ACCSL: variants seen among roughly 807,000 people sequenced by gnomAD.
ACCSL encodes the protein probable inactive 1-aminocyclopropane-1-carboxylate synthase-like protein 2.
A neutral mutation model predicts 61.7 loss-of-function variants in ACCSL; 55 were observed. The ratio of observed to expected loss-of-function variants is 0.89; its 90% CI spans 0.72 to 1.12. The LOEUF is 1.12. Among genes scored for constraint, ACCSL ranks in the 50% most tolerant of loss-of-function variants. The pLI, the probability that ACCSL is intolerant of heterozygous loss-of-function variation, is 0.00. For missense variants in ACCSL, 632 were observed against 698.0 expected (o/e 0.91, Z 1.07); for synonymous variants, 258 against 264.3 (o/e 0.98, Z 0.23).
At chr11:44,052,640 C>G (rs1565158983) in intron 5 of ACCSL, 22 bp from the exon 6 acceptor site, 2 of 1,601,630 alleles carry the variant, frequency 1.2e-6, no homozygotes, top group Non-Finnish European at 1.7e-6. Flanking sequence ...GGACTGATAG[C>G]TCTGTCTCTC....
chr11:44,005,613 G>A, the ACCSL span, among the ~76,000 whole-genome samples: 2 of 152,102 alleles, frequency 1.3e-5, no homozygotes, highest in Non-Finnish European at 2.9e-5. Flanking sequence ...ACTGTGCTCC[G>A]TGCTTTGCAT....
the ACCSL span, among the ~76,000 whole-genome samples, chr11:43,922,787 A>G: frequency 6.6e-6 from 1 of 152,120 alleles, no homozygotes; most frequent in Non-Finnish European, 1.5e-5. Flanking sequence ...ATGACACCCA[A>G]ACTCATAGCA....
the ACCSL span, among the ~76,000 whole-genome samples, chr11:43,967,602 T>G: frequency 1.3e-5 from 2 of 152,206 alleles, no homozygotes; most frequent in Admixed American, 6.5e-5. Flanking sequence ...GAAGATTTAT[T>G]AATCCACAGA....
At chr11:44,019,298 A>G in the ACCSL span, among the ~76,000 whole-genome samples, 1 of 152,336 alleles carries the variant, frequency 6.6e-6, no homozygotes, top group East Asian at 1.9e-4. Flanking sequence ...TATACCTAGC[A>G]GTGGAATTGT....
chr11:43,925,327 G>A, the ACCSL span: 1 of 455,530 alleles, frequency 2.2e-6, no homozygotes, highest in Non-Finnish European at 4.4e-6. Context: ...GAGAGGCCTG[G>A]TGACAAGAGG....
chr11:44,015,713 A>G, the ACCSL span, among the ~76,000 whole-genome samples: 10 of 152,188 alleles, frequency 6.6e-5, no homozygotes, highest in South Asian at 2.1e-3. Flanking sequence ...CATTGGAGCT[A>G]ATTCCCAGCA....
the ACCSL span, among the ~76,000 whole-genome samples, chr11:44,017,565 G>A: frequency 6.6e-6 from 1 of 152,198 alleles, no homozygotes; most frequent in South Asian, 2.1e-4. Flanking sequence ...GGGGCAATCA[G>A]CTCTGTTCAT....
the ACCSL span, among the ~76,000 whole-genome samples, chr11:43,939,115 T>C: frequency 2.0e-5 from 3 of 152,230 alleles, no homozygotes; most frequent in Admixed American, 6.5e-5. Flanking sequence ...AAAAGCAACA[T>C]CAAGCAGCCA....
chr11:43,993,004 C>T, the ACCSL span, among the ~76,000 whole-genome samples: 1 of 152,204 alleles, frequency 6.6e-6, no homozygotes, highest in African/African-American at 2.4e-5. Flanking sequence ...GTGGAGGAGG[C>T]ACAGCTGCTC....
the ACCSL span, among the ~76,000 whole-genome samples, chr11:43,986,027 A>T: frequency 2.6e-5 from 4 of 151,728 alleles, no homozygotes; most frequent in Admixed American, 6.6e-5. Context: ...AACTGAACTC[A>T]TCCAAAGCCG....
At chr11:44,026,155 C>T in the ACCSL span, among the ~76,000 whole-genome samples, 1 of 152,168 alleles carries the variant, frequency 6.6e-6, no homozygotes, top group Non-Finnish European at 1.5e-5. Flanking sequence ...CTTGGACACC[C>T]ATTATGCATA....
the ACCSL span, among the ~76,000 whole-genome samples, chr11:43,987,346 G>A: frequency 1.4e-4 from 21 of 152,302 alleles, no homozygotes; most frequent in African/African-American, 5.1e-4. Context: ...TTGGAAAGTG[G>A]GAGTGTCTGG....
At chr11:43,931,535 A>G in the ACCSL span, among the ~76,000 whole-genome samples, 3 of 152,102 alleles carry the variant, frequency 2.0e-5, no homozygotes, top group Non-Finnish European at 4.4e-5. Flanking sequence ...CAGCAGATTG[A>G]CCTGGGTTTG....
chr11:43,996,269 A>T, the ACCSL span, among the ~76,000 whole-genome samples: 1 of 152,224 alleles, frequency 6.6e-6, no homozygotes, highest in African/African-American at 2.4e-5. Flanking sequence ...CAGGAAATGA[A>T]AACACCATAG....
At chr11:43,965,548 T>G in the ACCSL span, among the ~76,000 whole-genome samples, 1 of 152,184 alleles carries the variant, frequency 6.6e-6, no homozygotes, top group African/African-American at 2.4e-5. Flanking sequence ...ATAGATTCAA[T>G]ATAATCCCTA....
the ACCSL span, among the ~76,000 whole-genome samples, chr11:44,008,777 G>A: frequency 6.6e-6 from 1 of 152,210 alleles, no homozygotes; most frequent in Non-Finnish European, 1.5e-5. Flanking sequence ...GCCAGGCACT[G>A]CCTGAGCACA....
the ACCSL span, among the ~76,000 whole-genome samples, chr11:43,969,280 G>C: frequency 6.6e-6 from 1 of 152,144 alleles, no homozygotes; most frequent in Non-Finnish European, 1.5e-5. Context: ...AGGATCACTT[G>C]AACCCAGGAG....
chr11:43,949,466 T>G, the ACCSL span, among the ~76,000 whole-genome samples: 1 of 152,170 alleles, frequency 6.6e-6, no homozygotes, highest in African/African-American at 2.4e-5. Flanking sequence ...GGGAACTATG[T>G]CAGGCAAACC....
chr11:43,966,741 A>AT, the ACCSL span, among the ~76,000 whole-genome samples: 32 of 151,268 alleles, frequency 2.1e-4, no homozygotes, highest in African/African-American at 2.9e-4. Flanking sequence ...GAGTGACTTG[A>AT]TTTTTTTTTC....
Sources: gnomAD v4.1 joint callset for allele counts (sites outside exome capture counted in the v4.1 genomes callset) on GRCh38, gnomAD v4.1.1 for gene constraint, MANE v1.5 for transcripts, NCBI Gene and HGNC (gene_info 2026-07-23, HGNC 2026-07-21) for gene names.